Variants in DOCK2 observed in about 807,000 individuals in gnomAD.
DOCK2 encodes the protein dedicator of cytokinesis protein 2.
In DOCK2, 87 loss-of-function variants were observed where a neutral mutation model predicts 248.9. That is an observed-to-expected ratio of 0.35 (90% CI 0.29 to 0.42). DOCK2 has a LOEUF of 0.42. Among genes scored for constraint, DOCK2 ranks in the 10% least tolerant of loss-of-function variants. The pLI is 1.00. For missense variants in DOCK2, 1,747 were observed against 2,300.2 expected, an observed-to-expected ratio of 0.76 and a Z score of 4.92; for synonymous variants, 805 against 821.6, an observed-to-expected ratio of 0.98 and a Z score of 0.35.
chr5:169,892,373 C>T (rs1038547741), intron 27 of DOCK2, among the ~76,000 whole-genome samples: 2 of 152,240 alleles, frequency 1.3e-5, no homozygotes, highest in African/African-American at 4.8e-5. Flanking sequence ...GGAGCAGGAG[C>T]TAGGTGAACA....
chr5:170,031,919 C>T (rs569285436), intron 34 of DOCK2, among the ~76,000 whole-genome samples: 4 of 152,326 alleles, frequency 2.6e-5, no homozygotes, highest in Non-Finnish European at 4.4e-5. Context: ...AGTAAGGCAG[C>T]TGCTCAGGAA....
intron 27 of DOCK2, among the ~76,000 whole-genome samples, chr5:169,916,288 G>C (rs1268434839): frequency 6.6e-6 from 1 of 152,210 alleles, no homozygotes; most frequent in Non-Finnish European, 1.5e-5. Context: ...ACAGGAGCCT[G>C]TGACTTGGGA....
intron 3 of DOCK2, 112 bp from the exon 4 acceptor site, chr5:169,670,429 AT>A: frequency 8.2e-7 from 1 of 1,224,672 alleles, no homozygotes; most frequent in African/African-American, 1.5e-5. Context: ...AAGTCTGGGG[AT>A]TTTATAAGCC....
chr5:169,647,543 C>G (rs1296455820), intron 1 of DOCK2, among the ~76,000 whole-genome samples: 1 of 152,152 alleles, frequency 6.6e-6, no homozygotes, highest in Non-Finnish European at 1.5e-5. Flanking sequence ...AAATAGAGTA[C>G]TCTTGAACTC....
chr5:169,915,205 G>A (rs1434482499), intron 27 of DOCK2, among the ~76,000 whole-genome samples: 1 of 152,280 alleles, frequency 6.6e-6, no homozygotes, highest in African/African-American at 2.4e-5. Flanking sequence ...AATCAGAAAT[G>A]AATAAGGAGA....
intron 26 of DOCK2, among the ~76,000 whole-genome samples, chr5:169,814,734 CACTT>C (rs756162959): frequency 2.0e-5 from 3 of 152,068 alleles, no homozygotes; most frequent in Non-Finnish European, 2.9e-5. Context: ...GATGATTACT[CACTT>C]ATGAAGAATG....
chr5:169,677,463 A>G (rs1759398183), intron 6 of DOCK2, among the ~76,000 whole-genome samples: 1 of 152,204 alleles, frequency 6.6e-6, no homozygotes, highest in African/African-American at 2.4e-5. Context: ...TATTTTAATA[A>G]TAAACCCCAC....
rs1757885170 is a variant in DOCK2, at chr5:170,077,754, G to A, written c.4911G>A (p.Leu1637=). The change falls in exon 48 of 52, where the codon CTG becomes CTA. Residue 1637 remains leucine, a synonymous_variant. Transcript: ENST00000520908. ...GAGTGGGCCGTCCCAGGTCTATGCT[G>A]CGCTCATACAGACAGATGTCCATCA... is the stretch of plus-strand genomic sequence containing the variant. ...DRRVGRPRSM[L]RSYRQMSIIS... 1 of 1,613,934 alleles carries A rather than the reference G, an allele frequency of 6.2e-7. No individual in the cohort carries two copies. The highest frequency in any genetic ancestry group is 1.3e-5 in the African/African-American group (1 of 74,996).
chr5:170,052,562 C>T (rs1009157364), intron 41 of DOCK2, among the ~76,000 whole-genome samples: 2 of 152,160 alleles, frequency 1.3e-5, no homozygotes, highest in African/African-American at 4.8e-5. Flanking sequence ...TTAATTTTCC[C>T]TATTTCATGG....
chr5:169,909,103 T>C (rs997686922), intron 27 of DOCK2, among the ~76,000 whole-genome samples: 8 of 152,218 alleles, frequency 5.3e-5, no homozygotes, highest in Non-Finnish European at 1.5e-5. Context: ...GGAGAGTCTG[T>C]GGATGATTTC....
At chr5:169,825,478 G>A in intron 26 of DOCK2, among the ~76,000 whole-genome samples, 1 of 150,982 alleles carries the variant, frequency 6.6e-6, no homozygotes, top group Middle Eastern at 3.2e-3. Context: ...TAGGGACATG[G>A]ATGAAGCTGG....
At chr5:169,990,088 GT>G (rs5873201) in intron 29 of DOCK2, among the ~76,000 whole-genome samples, 108,728 of 148,738 alleles carry the variant, frequency 0.73, 39,455 homozygotes, top group African/African-American at 0.79. Context: ...CCCTCTTAAT[GT>G]TTTTTTTTTT....
At chr5:169,928,577 AAG>A (rs1183730505) in intron 27 of DOCK2, among the ~76,000 whole-genome samples, 3 of 152,198 alleles carry the variant, frequency 2.0e-5, no homozygotes, top group African/African-American at 7.2e-5. Flanking sequence ...GTCCATCCAA[AAG>A]AGAGGCCAAG....
At chr5:169,950,526 CT>C (rs1368445072) in intron 27 of DOCK2, among the ~76,000 whole-genome samples, 1 of 152,180 alleles carries the variant, frequency 6.6e-6, no homozygotes, top group Non-Finnish European at 1.5e-5. Context: ...AACATGGCCC[CT>C]CTCTTGTAGC....
At position 169,705,948 on chromosome 5, in the gene DOCK2, T is replaced by C. The variant is rs140188363; in HGVS notation, c.1384-2221T>C. 2.1e-4 allele frequency among the ~76,000 whole-genome samples: 32 copies of C among 152,370 alleles called. No homozygotes were observed. The South Asian group carries it at 5.8e-3, about 28-fold the overall frequency. Reference sequence around the variant, plus strand: ...ACCTATGAGGGGCTCTCACTGTTAATTGGGGGCCATGGGGATAGGCAATGT... The same window carrying C: ...ACCTATGAGGGGCTCTCACTGTTAACTGGGGGCCATGGGGATAGGCAATGT... On this transcript the variant is annotated intron_variant, in intron 14 of 51. Coordinates refer to ENST00000520908, the MANE Select transcript of DOCK2 (RefSeq NM_004946.3).
chr5:169,924,783 A>T (rs146578770), intron 27 of DOCK2, among the ~76,000 whole-genome samples: 1 of 152,196 alleles, frequency 6.6e-6, no homozygotes, highest in African/African-American at 2.4e-5. Context: ...TTTTTCATCA[A>T]TCTGAAGTAT....
At chr5:169,799,434 G>T (rs1766839590) in intron 25 of DOCK2, among the ~76,000 whole-genome samples, 1 of 152,112 alleles carries the variant, frequency 6.6e-6, no homozygotes, top group African/African-American at 2.4e-5. Flanking sequence ...CACTTCAGAT[G>T]AACTCACCTG....
chr5:170,046,099 C>T (rs980693176), intron 39 of DOCK2, among the ~76,000 whole-genome samples, 194 bp downstream of exon 39: 32 of 152,108 alleles, frequency 2.1e-4, no homozygotes, highest in African/African-American at 7.7e-4. Flanking sequence ...AGAGAGATGT[C>T]GTGGGGAAAT....
At chr5:170,002,499 C>T (rs930190689) in intron 30 of DOCK2, among the ~76,000 whole-genome samples, 1 of 152,318 alleles carries the variant, frequency 6.6e-6, no homozygotes, top group Admixed American at 6.5e-5. Flanking sequence ...TTAACATTCT[C>T]TTCTGAGGAA....
Sources: gnomAD v4.1 joint callset for allele counts (sites outside exome capture counted in the v4.1 genomes callset) on GRCh38, gnomAD v4.1.1 for gene constraint, MANE v1.5 for transcripts, NCBI Gene and HGNC (gene_info 2026-07-23, HGNC 2026-07-21) for gene names.